PCCB: variants seen among roughly 807,000 people sequenced by gnomAD.
The protein encoded by PCCB is propionyl-CoA carboxylase subunit beta.
Under a neutral mutation model 60.7 loss-of-function variants are expected in PCCB, and 43 were observed. The observed-to-expected ratio is 0.71, with a 90% CI of 0.55 to 0.91. The LOEUF (loss-of-function observed/expected upper bound fraction) is 0.91. PCCB is among the 40% of genes least tolerant of loss of function. PCCB has a pLI of 0.00. For missense variants in PCCB, 766 were observed against 702.8 expected (o/e 1.09, Z -1.02); for synonymous variants, 276 against 255.9 (o/e 1.08, Z -0.75).
intron 5 of PCCB, among the ~76,000 whole-genome samples, chr3:136,266,972 TC>T (rs1224320027): frequency 2.6e-5 from 4 of 152,192 alleles, no homozygotes; most frequent in African/African-American, 9.6e-5. Flanking sequence ...AACCTCCACT[TC>T]CTGGGTTCAA....
At position 136,316,952 on chromosome 3, in the gene PCCB, G is replaced by A. The variant is rs1419967211; in HGVS notation, c.978G>A (p.Glu326=). Residue 326 remains glutamate, a synonymous_variant, in exon 10 of 15, where the codon GAG becomes GAA. Coordinates refer to ENST00000251654, the MANE Select transcript of PCCB (RefSeq NM_000532.5). The part of the protein sequence containing the change: ...MVDIIHSVVD[E]REFFEIMPNY... ...ATTTATTCCTGCAGGTTGTTGATGA[G>A]CGTGAATTTTTTGAGATCATGCCCA... The A allele has an allele frequency of 1.4e-5, 23 of 1,613,940 alleles. No individual in the cohort carries two copies. Among genetic ancestry groups the A allele is most frequent in the Non-Finnish European group, 1.9e-5 (23 of 1,179,980 alleles).
intron 6 of PCCB, among the ~76,000 whole-genome samples, chr3:136,290,046 A>T (rs1416708589): frequency 1.3e-5 from 2 of 152,194 alleles, no homozygotes; most frequent in East Asian, 3.9e-4. Flanking sequence ...ATGTGTACAT[A>T]ATTGAATTTT....
chr3:136,297,430 A>G (rs1933986649), intron 7 of PCCB, among the ~76,000 whole-genome samples: 1 of 152,076 alleles, frequency 6.6e-6, no homozygotes, highest in African/African-American at 2.4e-5. Flanking sequence ...AGTGCTCTTC[A>G]AGAATTATGG....
intron 10 of PCCB, among the ~76,000 whole-genome samples, chr3:136,320,648 T>C (rs78120017): frequency 0.012 from 1,897 of 152,344 alleles, 31 homozygotes; most frequent in East Asian, 0.047. Flanking sequence ...TGGGGTATTT[T>C]CACCTTTTAG....
intron 12 of PCCB, 49 bp downstream of exon 12, chr3:136,327,304 A>G (rs922147413): frequency 1.4e-6 from 2 of 1,436,062 alleles, no homozygotes; most frequent in African/African-American, 1.4e-5. Context: ...TTCCTACAGC[A>G]TAGCCGTGGT....
rs766074046 is a variant in PCCB at position 136,327,720 on chromosome 3, C to T, written c.1386C>T (p.Val462=). 4 of 1,613,362 alleles carry T rather than the reference C, an allele frequency of 2.5e-6. No homozygotes were observed. Among genetic ancestry groups the T allele is most frequent in the South Asian group, 1.1e-5 (1 of 91,038 alleles). Residue 462 remains valine (V), a synonymous_variant, in exon 13 of 15, where the codon GTC becomes GTT. Coordinates refer to ENST00000251654, the MANE Select transcript of PCCB (RefSeq NM_000532.5). ...NYAWPTAEIA[V]MGAKGAVEII... is the part of the protein sequence containing the mutation. ...CCTGGCCCACCGCAGAGATTGCAGT[C>T]ATGGGAGCAAAGGTGAGGGCCTCTT...
At chr3:136,294,902 G>A (rs1021578382) in intron 7 of PCCB, among the ~76,000 whole-genome samples, 2 of 152,166 alleles carry the variant, frequency 1.3e-5, no homozygotes, top group Admixed American at 6.5e-5. Flanking sequence ...ACAGGCGTGA[G>A]CCACCATGTC....
At chr3:136,315,922 T>TAA (rs1293921297) in intron 9 of PCCB, among the ~76,000 whole-genome samples, 1 of 150,346 alleles carries the variant, frequency 6.7e-6, no homozygotes, top group African/African-American at 2.5e-5. Flanking sequence ...TATATATATA[T>TAA]AAAAGAGAGA....
At chr3:136,278,615 ATTG>A (rs1373088586) in intron 5 of PCCB, among the ~76,000 whole-genome samples, 1 of 152,232 alleles carries the variant, frequency 6.6e-6, no homozygotes, top group East Asian at 1.9e-4. Context: ...CAGTTTTCCT[ATTG>A]TTATTGAATT....
chr3:136,326,752 A>ATCCC, intron 10 of PCCB, 51 bp from the exon 11 acceptor site: 1 of 1,220,804 alleles, frequency 8.2e-7, no homozygotes, highest in Non-Finnish European at 1.2e-6. Flanking sequence ...CATTGTGGAT[A>ATCCC]GAACTGGGAA....
intron 12 of PCCB, 127 bp from the exon 13 acceptor site, chr3:136,327,507 G>A: frequency 1.3e-6 from 1 of 785,858 alleles, no homozygotes; most frequent in Non-Finnish European, 2.3e-6. Flanking sequence ...TACAGACCGT[G>A]GGCCTTCAGG....
intron 10 of PCCB, among the ~76,000 whole-genome samples, chr3:136,319,674 A>G (rs1935040758): frequency 6.6e-6 from 1 of 152,230 alleles, no homozygotes; most frequent in Non-Finnish European, 1.5e-5. Context: ...CTGGGATTAC[A>G]GGTGTGAACC....
At chr3:136,280,006 C>G (rs1339973487) in intron 5 of PCCB, among the ~76,000 whole-genome samples, 5 of 152,208 alleles carry the variant, frequency 3.3e-5, no homozygotes, top group African/African-American at 4.8e-5. Context: ...TGTGCAGACT[C>G]CTCTGCTGGG....
chr3:136,260,663 C>G, intron 4 of PCCB, 128 bp downstream of exon 4: 1 of 797,444 alleles, frequency 1.3e-6, no homozygotes, highest in East Asian at 2.7e-5. Context: ...AGATGTGCTA[C>G]CAACCCGAAG....
At chr3:136,291,878 C>T (rs1453800711) in intron 6 of PCCB, among the ~76,000 whole-genome samples, 1 of 152,168 alleles carries the variant, frequency 6.6e-6, no homozygotes, top group Non-Finnish European at 1.5e-5. Context: ...GTAAAACTCA[C>T]AAAAGTGTGG....
chr3:136,322,718 C>T (rs541125314), intron 10 of PCCB, among the ~76,000 whole-genome samples: 15 of 152,166 alleles, frequency 9.9e-5, no homozygotes, highest in African/African-American at 3.1e-4. Flanking sequence ...TTTGTGATAC[C>T]GTCTAGTGTT....
chr3:136,314,124 C>CA (rs1172722159), intron 9 of PCCB, among the ~76,000 whole-genome samples: 1 of 152,002 alleles, frequency 6.6e-6, no homozygotes, highest in Non-Finnish European at 1.5e-5. Flanking sequence ...CAAGATGAAC[C>CA]AGAAAGTAAG....
intron 3 of PCCB, among the ~76,000 whole-genome samples, chr3:136,259,530 C>T (rs189741300): frequency 1.3e-5 from 2 of 152,204 alleles, no homozygotes; most frequent in Non-Finnish European, 2.9e-5. Flanking sequence ...TGTTTGATAT[C>T]CATAGAATCT....
At chr3:136,273,781 G>C (rs142403422) in intron 5 of PCCB, among the ~76,000 whole-genome samples, 10 of 149,290 alleles carry the variant, frequency 6.7e-5, no homozygotes. Flanking sequence ...GCGTGGTGGC[G>C]GGTGCCTGTA....
Sources: allele counts gnomAD v4.1 joint callset (sites outside exome capture counted in the v4.1 genomes callset), GRCh38; gene constraint gnomAD v4.1.1; transcripts MANE v1.5; gene names NCBI Gene and HGNC (gene_info 2026-07-23, HGNC 2026-07-21).